The following ASTN2 variants were observed in gnomAD, a reference collection of about 807,000 sequenced individuals.
The protein encoded by ASTN2 is astrotactin-2.
ASTN2 carries 54 observed loss-of-function variants against 139.8 expected under a neutral mutation model. The observed-to-expected ratio is 0.39, with a 90% CI of 0.31 to 0.48. The LOEUF (loss-of-function observed/expected upper bound fraction) is 0.48, where lower values mean the gene tolerates loss of function less well. ASTN2 is among the 20% of genes least tolerant of loss of function. ASTN2 has a pLI of 0.95. For missense variants in ASTN2, 1,565 were observed against 1,725.1 expected, an observed-to-expected ratio of 0.91 and a Z score of 1.64; for synonymous variants, 756 against 719.5, an observed-to-expected ratio of 1.05 and a Z score of -0.81.
intron 10 of ASTN2, among the ~76,000 whole-genome samples, chr9:116,865,991 A>G (rs1186624834): frequency 1.3e-5 from 2 of 152,186 alleles, no homozygotes; most frequent in African/African-American, 4.8e-5. Flanking sequence ...CAATCTCCAC[A>G]GTAGCTTTAT....
At chr9:117,349,824 A>C (rs1283591112) in intron 1 of ASTN2, among the ~76,000 whole-genome samples, 2 of 152,316 alleles carry the variant, frequency 1.3e-5, no homozygotes, top group East Asian at 3.9e-4. Flanking sequence ...ATATGATAAC[A>C]AAGGGACTTC....
intron 1 of ASTN2, among the ~76,000 whole-genome samples, chr9:117,383,588 C>G (rs1010046523): frequency 2.0e-5 from 3 of 152,058 alleles, no homozygotes; most frequent in Non-Finnish European, 4.4e-5. Flanking sequence ...ATTTGATGAA[C>G]TTGAAGAATG....
intron 19 of ASTN2, among the ~76,000 whole-genome samples, chr9:116,510,612 T>C (rs1349834357): frequency 2.0e-5 from 3 of 152,350 alleles, no homozygotes; most frequent in Non-Finnish European, 2.9e-5. Flanking sequence ...ATTTTCATGA[T>C]ATTGATTCTT....
At chr9:116,889,115 C>G (rs1833693610) in intron 10 of ASTN2, among the ~76,000 whole-genome samples, 1 of 152,090 alleles carries the variant, frequency 6.6e-6, no homozygotes, top group African/African-American at 2.4e-5. Context: ...AACTCCTGGC[C>G]TCAACTGATC....
At chr9:116,975,805 G>C (rs1042784355) in intron 9 of ASTN2, among the ~76,000 whole-genome samples, 2 of 152,210 alleles carry the variant, frequency 1.3e-5, no homozygotes, top group Non-Finnish European at 2.9e-5. Context: ...TTTTACACAA[G>C]ATTTTGTGGA....
In ASTN2 at chr9:116,725,930, T is replaced by C; in HGVS notation, c.2647A>G (p.Ile883Val). 6.2e-7 allele frequency: 1 copy of C among 1,613,344 alleles called. No homozygotes were observed. Among genetic ancestry groups the C allele is most frequent in the Non-Finnish European group, 8.5e-7 (1 of 1,179,774 alleles). The change falls in exon 16 of 23, where the codon ATC becomes GTC. Residue 883 changes from isoleucine (I) to valine (V), a missense_variant. Physicochemically the swap from Ile to Val is conservative, Grantham distance 29 (BLOSUM62 3). Transcript: ENST00000313400. Reference protein sequence around the residue: ...LAAGFTNVLKILTKESSREEL... With the variant: ...LAAGFTNVLKVLTKESSREEL... ...TCCCGACTGCTCTCCTTGGTCAGGA[T>C]CTTGAGAACATTAGTGAAGCCTGGA...
At chr9:116,454,178 C>T (rs929614451) in intron 20 of ASTN2, among the ~76,000 whole-genome samples, 6 of 152,136 alleles carry the variant, frequency 3.9e-5, no homozygotes, top group Non-Finnish European at 8.8e-5. Flanking sequence ...TAGAATTTGT[C>T]TGATTAAAAT....
chr9:116,786,712 C>T (rs757124758), intron 13 of ASTN2, among the ~76,000 whole-genome samples: 1 of 152,160 alleles, frequency 6.6e-6, no homozygotes, highest in Non-Finnish European at 1.5e-5. Context: ...ACTTTAATGC[C>T]TGTAAAGAAA....
At chr9:117,125,372 A>C (rs770208107) in intron 4 of ASTN2, among the ~76,000 whole-genome samples, 3 of 152,220 alleles carry the variant, frequency 2.0e-5, no homozygotes, top group Non-Finnish European at 4.4e-5. Flanking sequence ...ATATTAAAAA[A>C]TATATATCTT....
chr9:117,241,915 G>A (rs958960322), intron 2 of ASTN2, among the ~76,000 whole-genome samples: 4 of 147,044 alleles, frequency 2.7e-5, no homozygotes, highest in African/African-American at 5.0e-5. Context: ...TGAGTAGAAC[G>A]TGCAAGTTAC....
intron 12 of ASTN2, among the ~76,000 whole-genome samples, chr9:116,811,304 C>CCACA (rs1226581952): frequency 2.6e-5 from 4 of 152,126 alleles, no homozygotes; most frequent in African/African-American, 9.7e-5. Flanking sequence ...GTGGCTTTGC[C>CCACA]CACACCCCAT....
At chr9:117,229,180 G>A (rs1026246728) in intron 2 of ASTN2, among the ~76,000 whole-genome samples, 4 of 152,132 alleles carry the variant, frequency 2.6e-5, no homozygotes, top group Admixed American at 2.0e-4. Flanking sequence ...GGCCCAGGCT[G>A]CAGGGGAATC....
chr9:117,055,925 A>G (rs1839047881), intron 5 of ASTN2, among the ~76,000 whole-genome samples: 1 of 152,248 alleles, frequency 6.6e-6, no homozygotes, highest in Non-Finnish European at 1.5e-5. Context: ...ACTTCCATTT[A>G]GCTCACACTC....
intron 1 of ASTN2, among the ~76,000 whole-genome samples, chr9:117,307,638 G>T (rs748255974): frequency 8.5e-5 from 13 of 152,196 alleles, no homozygotes; most frequent in Non-Finnish European, 1.8e-4. Flanking sequence ...TGTGTGCACT[G>T]GTTCTTTACA....
chr9:117,034,460 G>A (rs1324881958), intron 6 of ASTN2, among the ~76,000 whole-genome samples: 1 of 152,138 alleles, frequency 6.6e-6, no homozygotes, highest in Non-Finnish European at 1.5e-5. Context: ...CATTAGTAGG[G>A]CATTGATAAA....
intron 3 of ASTN2, among the ~76,000 whole-genome samples, chr9:117,196,609 T>G (rs949656): frequency 0.33 from 49,832 of 152,038 alleles, 8,328 homozygotes; most frequent in East Asian, 0.43. Flanking sequence ...ATATCTCTCT[T>G]CTGCCTCCAC....
At chr9:117,145,434 G>A (rs1005388935) in intron 3 of ASTN2, among the ~76,000 whole-genome samples, 11 of 152,210 alleles carry the variant, frequency 7.2e-5, no homozygotes, top group African/African-American at 2.7e-4. Flanking sequence ...GCTACTAGTT[G>A]GGTTTGGCCC....
intron 17 of ASTN2, among the ~76,000 whole-genome samples, chr9:116,643,125 TA>T (rs1437511919): frequency 6.6e-6 from 1 of 152,216 alleles, no homozygotes; most frequent in Non-Finnish European, 1.5e-5. Flanking sequence ...AAATGTGTTG[TA>T]GGGGGACAGA....
At chr9:117,339,873 C>T (rs746082543) in intron 1 of ASTN2, among the ~76,000 whole-genome samples, 16 of 150,414 alleles carry the variant, frequency 1.1e-4, no homozygotes, top group Middle Eastern at 3.4e-3. Context: ...TTTTAATGCA[C>T]CGATCTGTTA....
Sources: gnomAD v4.1 joint callset for allele counts (sites outside exome capture counted in the v4.1 genomes callset) on GRCh38, gnomAD v4.1.1 for gene constraint, MANE v1.5 for transcripts, NCBI Gene and HGNC (gene_info 2026-07-23, HGNC 2026-07-21) for gene names.